ATL2: variants seen among roughly 807,000 people sequenced by gnomAD.
The protein encoded by ATL2 is atlastin GTPase 2, also known as atlastin-2.
A neutral mutation model predicts 73.9 loss-of-function variants in ATL2; 31 were observed. The observed-to-expected ratio is 0.42, with a 90% confidence interval of 0.32 to 0.57. ATL2 has a LOEUF of 0.57. ATL2 is among the 20% of genes least tolerant of loss of function. The pLI is 0.14. For missense variants in ATL2, 738 were observed against 702.6 expected (o/e 1.05, Z -0.57); for synonymous variants, 291 against 237.5 (o/e 1.23, Z -2.07).
At chr2:38,371,204 A>AG (rs1671669533) in intron 1 of ATL2, among the ~76,000 whole-genome samples, 2 of 151,876 alleles carry the variant, frequency 1.3e-5, no homozygotes, top group Non-Finnish European at 2.9e-5. Context: ...TAATTAAAAA[A>AG]AAAAAAAAGA....
intron 2 of ATL2, among the ~76,000 whole-genome samples, chr2:38,332,305 C>G (rs905942717): frequency 3.9e-5 from 6 of 152,172 alleles, no homozygotes; most frequent in Non-Finnish European, 5.9e-5. Flanking sequence ...CTCCTGGGCT[C>G]AAGACATCCT....
chr2:38,339,747 A>G (rs1669593563), intron 2 of ATL2, among the ~76,000 whole-genome samples: 1 of 152,014 alleles, frequency 6.6e-6, no homozygotes, highest in Non-Finnish European at 1.5e-5. Context: ...TTAGAGTATG[A>G]TGGCACAATC....
At position 38,309,553 on chromosome 2, in the gene ATL2, G is replaced by GT. The variant is rs1667635747; in HGVS notation, c.944-48dup. ...AACATATTAGTCCAAAAAAAATTAG[G>GT]TCCCCACTGGTACGATTTCATAAAA... is the stretch of plus-strand genomic sequence containing the variant. On this transcript the variant is annotated intron_variant, in intron 8 of 12. Transcript: ENST00000378954. 1.9e-6 allele frequency: 3 copies of GT among 1,557,626 alleles called. No homozygotes were observed. The South Asian group carries it at 3.5e-5, about 18-fold the overall frequency.
rs1393781161 is a variant in ATL2, at chr2:38,357,650, T to C, written c.119-14138A>G. The stretch of plus-strand genomic sequence containing the variant: ...CTGCGTGACAGAGCAAGACTCCGTC[T>C]CAAAAAAAAAAAAAAAAAAAAACCT... On this transcript the variant is annotated intron_variant, in intron 1 of 12. Coordinates refer to ENST00000378954, the MANE Select transcript of ATL2 (RefSeq NM_001135673.4). Among the ~76,000 whole-genome samples the C allele has an allele frequency of 3.0e-4, 11 of 37,168 alleles. No homozygotes were observed. The African/African-American group carries it at 4.0e-3, about 14-fold the overall frequency. The allele number at this position is 37,168 out of a possible 152,430, so 24.4% of individuals were successfully genotyped here.
intron 1 of ATL2, among the ~76,000 whole-genome samples, chr2:38,368,101 A>AT (rs1251727526): frequency 2.1e-5 from 3 of 144,446 alleles, no homozygotes; most frequent in Non-Finnish European, 4.6e-5. Flanking sequence ...CGCCCGGCTA[A>AT]TTTTTTGTAT....
chr2:38,349,324 CATGGA>C (rs1670208628), intron 1 of ATL2, among the ~76,000 whole-genome samples: 1 of 151,440 alleles, frequency 6.6e-6, no homozygotes, highest in East Asian at 1.9e-4. Context: ...ACATATACAC[CATGGA>C]ATACTATGCA....
At chr2:38,334,898 A>AATAT (rs1558423002) in intron 2 of ATL2, among the ~76,000 whole-genome samples, 24 of 136,192 alleles carry the variant, frequency 1.8e-4, no homozygotes, top group Non-Finnish European at 3.3e-4. Context: ...TATAATATAT[A>AATAT]TTATTTATAA....
At chr2:38,329,547 T>C (rs866155828) in intron 2 of ATL2, among the ~76,000 whole-genome samples, 24 of 151,744 alleles carry the variant, frequency 1.6e-4, no homozygotes, top group Middle Eastern at 6.3e-3. Flanking sequence ...TGGTAGCAGT[T>C]CTCTACAAAT....
At chr2:38,349,682 T>C (rs1670231032) in intron 1 of ATL2, among the ~76,000 whole-genome samples, 1 of 146,638 alleles carries the variant, frequency 6.8e-6, no homozygotes, top group Non-Finnish European at 1.5e-5. Flanking sequence ...TAATAAAAAA[T>C]AAATAAAATA....
chr2:38,325,698 GTACA>G (rs1558412124), intron 2 of ATL2, among the ~76,000 whole-genome samples: 7 of 4,098 alleles, frequency 1.7e-3, no homozygotes, highest in Admixed American at 8.4e-3. Context: ...ACACACACCA[GTACA>G]CACACACACA....
In ATL2 at chr2:38,343,403, A is replaced by G; in HGVS notation, c.228T>C (p.Asp76=). 1 of 1,613,258 alleles carries G rather than the reference A, an allele frequency of 6.2e-7. No homozygotes were observed. The highest frequency in any genetic ancestry group is 1.1e-5 in the South Asian group (1 of 91,014). The change falls in exon 2 of 13, where the codon GAT becomes GAC. Residue 76 remains aspartate, a synonymous_variant. Transcript: ENST00000378954. ...AHEDDHNFEL[D]EEALEQILLQ... is the part of the protein sequence containing the mutation. ...GCAATATCTGCTCCAAAGCTTCTTC[A>G]TCAAGTTCAAAGTTATGGTCATCTT...
chr2:38,300,612 T>C (rs1667135761), intron 9 of ATL2, among the ~76,000 whole-genome samples: 1 of 152,162 alleles, frequency 6.6e-6, no homozygotes, highest in East Asian at 1.9e-4. Flanking sequence ...AATTCACAAT[T>C]ACCCCCTATT....
rs34388748 is a variant in ATL2 at position 38,294,640 on chromosome 2, C to CAAAAA, written c.*1349_*1353dup. Among the ~76,000 whole-genome samples, 1 of 142,386 alleles carries CAAAAA rather than the reference C, an allele frequency of 7.0e-6. No homozygotes were observed. Among genetic ancestry groups the CAAAAA allele is most frequent in the African/African-American group, 2.6e-5 (1 of 38,418 alleles). The allele number at this position is 142,386 out of a possible 152,430, so 93.4% of individuals were successfully genotyped here. ...AAAATGCTAGCCTTACATATACCAC[C>CAAAAA]AAAAAAAAAAAAAGAGAGAGAAAGA... On this transcript the variant is annotated 3_prime_UTR_variant, in exon 13 of 13. Coordinates refer to ENST00000378954, the MANE Select transcript of ATL2 (RefSeq NM_001135673.4).
At chr2:38,334,028 CTT>C (rs34303299) in intron 2 of ATL2, among the ~76,000 whole-genome samples, 6 of 121,598 alleles carry the variant, frequency 4.9e-5, no homozygotes, top group Admixed American at 8.4e-5. Flanking sequence ...ATCCAATCCT[CTT>C]TTTTTTTTTT....
chr2:38,339,275 C>G (rs1328503589), intron 2 of ATL2, among the ~76,000 whole-genome samples: 2 of 151,940 alleles, frequency 1.3e-5, no homozygotes, highest in African/African-American at 4.8e-5. Flanking sequence ...CCAGAAGAAA[C>G]TAAGGAGACA....
At chr2:38,332,889 G>A (rs188910643) in intron 2 of ATL2, among the ~76,000 whole-genome samples, 2 of 152,250 alleles carry the variant, frequency 1.3e-5, no homozygotes, top group Non-Finnish European at 2.9e-5. Flanking sequence ...AGAAATTTGT[G>A]AGAACAAAGA....
intron 9 of ATL2, among the ~76,000 whole-genome samples, chr2:38,308,436 A>C (rs894661912): frequency 6.6e-6 from 1 of 152,184 alleles, no homozygotes; most frequent in African/African-American, 2.4e-5. Context: ...GAGTACTAGA[A>C]AGATGGTTAC....
At chr2:38,340,142 G>C (rs1197769441) in intron 2 of ATL2, among the ~76,000 whole-genome samples, 1 of 126,632 alleles carries the variant, frequency 7.9e-6, no homozygotes, top group Admixed American at 9.9e-5. Context: ...AACCTGTGGT[G>C]AAAAGTTCAG....
At position 38,343,342 on chromosome 2, in the gene ATL2, C is replaced by G. The variant is rs538234465; in HGVS notation, c.289G>C (p.Val97Leu). The change falls in exon 2 of 13, where the codon GTA (valine) becomes CTA (leucine). Residue 97 changes from valine (V) to leucine (L), a missense_variant. Coordinates refer to ENST00000378954, the MANE Select transcript of ATL2 (RefSeq NM_001135673.4). ...EHIRDLNIVV[V>L]SVAGAFRKGK... ...TTACGAAAAGCTCCTGCCACAGATA[C>G]CACTACTATGTTAAGATCTCGTATG... The G allele has an allele frequency of 6.2e-7, 1 of 1,611,158 alleles. No individual in the cohort carries two copies. The highest frequency in any genetic ancestry group is 1.1e-5 in the South Asian group (1 of 90,848).
Sources: allele counts gnomAD v4.1 joint callset (sites outside exome capture counted in the v4.1 genomes callset), GRCh38; gene constraint gnomAD v4.1.1; transcripts MANE v1.5; gene names NCBI Gene and HGNC (gene_info 2026-07-23, HGNC 2026-07-21).